Variants in COL22A1 observed in about 807,000 individuals in gnomAD.
COL22A1 encodes the protein collagen alpha-1(XXII) chain.
In COL22A1, 221 loss-of-function variants were observed where a neutral mutation model predicts 248.9. That is an observed-to-expected ratio of 0.89 (90% CI 0.80 to 0.99). COL22A1 has a LOEUF of 0.99. Ranked by LOEUF, COL22A1 falls within the 50% of genes least tolerant of loss-of-function variation. COL22A1 has a pLI of 0.00. For missense variants in COL22A1, 2,240 were observed against 2,179.0 expected (o/e 1.03, Z -0.56); for synonymous variants, 891 against 793.4 (o/e 1.12, Z -2.07).
chr8:138,803,684 G>A (rs1817203533), intron 10 of COL22A1, among the ~76,000 whole-genome samples: 1 of 152,086 alleles, frequency 6.6e-6, no homozygotes, highest in African/African-American at 2.4e-5. Flanking sequence ...TGTCTGCAAG[G>A]GAGGAAAAAC....
chr8:138,602,943 G>T (rs1237441823), intron 59 of COL22A1, among the ~76,000 whole-genome samples: 1 of 152,196 alleles, frequency 6.6e-6, no homozygotes, highest in Non-Finnish European at 1.5e-5. Flanking sequence ...GATGACCAAG[G>T]TATGCTTGTC....
At chr8:138,705,596 C>A (rs1828360170) in intron 30 of COL22A1, among the ~76,000 whole-genome samples, 1 of 152,158 alleles carries the variant, frequency 6.6e-6, no homozygotes, top group African/African-American at 2.4e-5. Context: ...GATTTTGTCA[C>A]CACCAGGCCT....
rs188914793 is a variant in COL22A1 at position 138,768,305 on chromosome 8, G to A, written c.1804-5839C>T. Among the ~76,000 whole-genome samples the A allele has an allele frequency of 9.5e-3, 1,447 of 152,252 alleles. 21 individuals are homozygous for A. The highest frequency in any genetic ancestry group is 0.033 in the African/African-American group (1,383 of 41,548). On this transcript the variant is annotated intron_variant, in intron 16 of 64. Coordinates refer to ENST00000303045, the MANE Select transcript of COL22A1 (RefSeq NM_152888.3). ...TCTCGGCCACAGCAGCAGTTGCACGGCACTGTTGACTGTCACTGAAGCACA... is the reference window on the plus strand; with the variant it reads ...TCTCGGCCACAGCAGCAGTTGCACGACACTGTTGACTGTCACTGAAGCACA...
chr8:138,697,576 C>T (rs536077980), intron 32 of COL22A1, among the ~76,000 whole-genome samples: 1 of 152,334 alleles, frequency 6.6e-6, no homozygotes, highest in Non-Finnish European at 1.5e-5. Context: ...CCTGTCACCT[C>T]ATCAGGTGCA....
chr8:138,606,290 G>A (rs1348927379), intron 58 of COL22A1, 91 bp downstream of exon 58: 6 of 1,161,362 alleles, frequency 5.2e-6, no homozygotes, highest in Non-Finnish European at 7.5e-6. Flanking sequence ...AGACAGAACT[G>A]AGGACACAGG....
At chr8:138,767,969 C>A (rs1229199432) in intron 16 of COL22A1, among the ~76,000 whole-genome samples, 1 of 152,198 alleles carries the variant, frequency 6.6e-6, no homozygotes, top group Non-Finnish European at 1.5e-5. Flanking sequence ...ACTGAATTAA[C>A]GTATTGTTTT....
intron 10 of COL22A1, among the ~76,000 whole-genome samples, chr8:138,803,709 G>T (rs796214700): frequency 2.6e-5 from 4 of 152,238 alleles, no homozygotes; most frequent in African/African-American, 9.6e-5. Flanking sequence ...CACAAGCCAA[G>T]TGTTGAACTG....
At chr8:138,635,223 T>G (rs1821045732) in intron 48 of COL22A1, among the ~76,000 whole-genome samples, 160 bp from the exon 49 acceptor site, 1 of 152,202 alleles carries the variant, frequency 6.6e-6, no homozygotes, top group African/African-American at 2.4e-5. Flanking sequence ...TTTTTATATA[T>G]CTCAATAATA....
intron 12 of COL22A1, among the ~76,000 whole-genome samples, chr8:138,789,985 G>T (rs1342015727): frequency 6.6e-6 from 1 of 152,176 alleles, no homozygotes; most frequent in Non-Finnish European, 1.5e-5. Context: ...GCTAAAACAT[G>T]CTCATCTTAT....
chr8:138,699,995 T>C (rs896335751), intron 32 of COL22A1, 117 bp downstream of exon 32: 3 of 934,252 alleles, frequency 3.2e-6, no homozygotes, highest in South Asian at 2.8e-5. Flanking sequence ...TCCCTGACAG[T>C]GATGAACGCG....
intron 1 of COL22A1, among the ~76,000 whole-genome samples, chr8:138,904,478 C>T (rs1814857934): frequency 6.6e-6 from 1 of 152,110 alleles, no homozygotes; most frequent in East Asian, 1.9e-4. Flanking sequence ...CTCCCCTCAG[C>T]CTGCCTCACC....
In COL22A1 at chr8:138,780,994, A is replaced by C. The variant is rs770706529; in HGVS notation, c.1597-14T>G. ...GCCCAGGGAACCCTAAAGCCAAAAA[A>C]AGAGAATAGCAATTAGTAAAGAATA... is the stretch of plus-strand genomic sequence containing the variant. On this transcript the variant is annotated splice_polypyrimidine_tract_variant and intron_variant, in intron 12 of 64. Coordinates refer to ENST00000303045, the MANE Select transcript of COL22A1 (RefSeq NM_152888.3). 2.5e-6 allele frequency: 4 copies of C among 1,583,516 alleles called. No homozygotes were observed. Among genetic ancestry groups the C allele is most frequent in the Admixed American group, 3.6e-5 (2 of 55,170 alleles).
intron 45 of COL22A1, among the ~76,000 whole-genome samples, chr8:138,650,876 G>A (rs1822665757): frequency 6.6e-6 from 1 of 152,190 alleles, no homozygotes; most frequent in South Asian, 2.1e-4. Context: ...GGACCACAGT[G>A]AGTGTGTGTC....
intron 51 of COL22A1, among the ~76,000 whole-genome samples, chr8:138,624,332 G>A (rs2131962676): frequency 6.6e-6 from 1 of 152,244 alleles, no homozygotes; most frequent in South Asian, 2.1e-4. Context: ...TGGAAACAGA[G>A]TGATAAAGAA....
rs189116257 is a variant in COL22A1, at chr8:138,598,951, C to T, written c.4186-53G>A. 8 of 1,583,180 alleles carry T rather than the reference C, an allele frequency of 5.1e-6. No individual in the cohort carries two copies. The South Asian group carries it at 7.9e-5, about 16-fold the overall frequency. On this transcript the variant is annotated intron_variant, in intron 60 of 64. Coordinates refer to ENST00000303045, the MANE Select transcript of COL22A1 (RefSeq NM_152888.3). ...GTGTCTCAGGGCTGGAAGCTGTACC[C>T]CATGCAGCTGCAAAAGGGGTTCCCC...
At chr8:138,696,827 G>T (rs1054153202) in intron 32 of COL22A1, among the ~76,000 whole-genome samples, 2 of 152,236 alleles carry the variant, frequency 1.3e-5, no homozygotes, top group African/African-American at 4.8e-5. Context: ...AAGGAGACAT[G>T]TCTAGCCCCA....
chr8:138,833,183 G>C lies in COL22A1; in HGVS notation c.734-33C>G, dbSNP rs371691904. The C allele has an allele frequency of 2.8e-6, 4 of 1,443,030 alleles. No individual in the cohort carries two copies. The South Asian group carries it at 4.6e-5, about 16-fold the overall frequency. The allele number at this position is 1,443,030 out of a possible 1,614,324, so 89.4% of individuals were successfully genotyped here. ...AAGAGAAGAGCTGGGAGTGAGTTTGGAGAAGGAAGAGTATAAGAGACAAAG... is the reference window on the plus strand; with the variant it reads ...AAGAGAAGAGCTGGGAGTGAGTTTGCAGAAGGAAGAGTATAAGAGACAAAG... On this transcript the variant is annotated intron_variant, in intron 4 of 64. Coordinates refer to ENST00000303045, the MANE Select transcript of COL22A1 (RefSeq NM_152888.3).
At chr8:138,781,458 G>A (rs184973626) in intron 12 of COL22A1, among the ~76,000 whole-genome samples, 3 of 152,158 alleles carry the variant, frequency 2.0e-5, no homozygotes, top group Non-Finnish European at 4.4e-5. Context: ...CCCTCCAGGG[G>A]TGACAACCAA....
intron 22 of COL22A1, among the ~76,000 whole-genome samples, chr8:138,744,574 AAGTACCCT>A (rs1319958763): frequency 1.3e-5 from 2 of 152,172 alleles, no homozygotes; most frequent in African/African-American, 2.4e-5. Flanking sequence ...CCCCAGGTAT[AAGTACCCT>A]CACTACCTAC....
Sources: gnomAD v4.1 joint callset for allele counts (sites outside exome capture counted in the v4.1 genomes callset) on GRCh38, gnomAD v4.1.1 for gene constraint, MANE v1.5 for transcripts, NCBI Gene and HGNC (gene_info 2026-07-23, HGNC 2026-07-21) for gene names.